Variants in ASCC3 observed in about 807,000 individuals in gnomAD.
ASCC3 encodes ASC-1 complex subunit P200.
In ASCC3, 158 loss-of-function variants were observed where a neutral mutation model predicts 256.3. The observed-to-expected ratio is 0.62, with a 90% CI of 0.54 to 0.70. The LOEUF is 0.70. ASCC3 is among the 30% of genes least tolerant of loss of function. The pLI, the probability that ASCC3 is intolerant of heterozygous loss-of-function variation, is 0.00. For synonymous variants in ASCC3, 948 were observed against 883.4 expected (o/e 1.07, Z -1.30); for missense variants, 2,259 against 2,626.0 (o/e 0.86, Z 3.05).
At chr6:100,524,974 T>C (rs1361024855) in intron 37 of ASCC3, among the ~76,000 whole-genome samples, 1 of 151,300 alleles carries the variant, frequency 6.6e-6, no homozygotes, top group African/African-American at 2.4e-5. Context: ...GGACAATCAC[T>C]TAAACCCAGG....
intron 18 of ASCC3, 64 bp from the exon 19 acceptor site, chr6:100,651,710 G>A (rs1387669570): frequency 2.3e-6 from 2 of 885,830 alleles, no homozygotes; most frequent in Non-Finnish European, 3.2e-6. Flanking sequence ...AATTAAAAAT[G>A]TGACTATAAA....
At chr6:100,620,472 C>T (rs535225939) in intron 30 of ASCC3, among the ~76,000 whole-genome samples, 137 of 152,042 alleles carry the variant, frequency 9.0e-4, no homozygotes, top group Non-Finnish European at 1.7e-3. Flanking sequence ...CTCTTTTTGC[C>T]TTTGCCAATA....
intron 10 of ASCC3, among the ~76,000 whole-genome samples, chr6:100,732,185 A>T (rs552224125): frequency 1.3e-5 from 2 of 151,776 alleles, no homozygotes; most frequent in South Asian, 4.2e-4. Context: ...AAAAAAAAGA[A>T]GAAGAAGATG....
intron 10 of ASCC3, among the ~76,000 whole-genome samples, chr6:100,759,022 C>T (rs773172945): frequency 2.0e-5 from 3 of 152,054 alleles, no homozygotes; most frequent in South Asian, 2.1e-4. Context: ...ATATGTTTGT[C>T]GTCCACATAA....
At chr6:100,582,819 G>T (rs1210448065) in intron 36 of ASCC3, among the ~76,000 whole-genome samples, 1 of 152,134 alleles carries the variant, frequency 6.6e-6, no homozygotes. Context: ...TTTGTCAAAG[G>T]CCTTTCCTCC....
At chr6:100,524,806 C>T (rs184507525) in intron 37 of ASCC3, among the ~76,000 whole-genome samples, 190 of 152,122 alleles carry the variant, frequency 1.2e-3, no homozygotes, top group African/African-American at 4.5e-3. Context: ...ATCCTTCCTC[C>T]TCTTCAAGGA....
intron 1 of ASCC3, among the ~76,000 whole-genome samples, chr6:100,868,519 T>G (rs1245247387): frequency 6.6e-6 from 1 of 152,188 alleles, no homozygotes; most frequent in Non-Finnish European, 1.5e-5. Flanking sequence ...GACCACCCCA[T>G]CTAAAACAGG....
chr6:100,679,719 C>T lies in ASCC3; in HGVS notation c.2185G>A (p.Val729Ile). 3.1e-6 allele frequency: 5 copies of T among 1,613,524 alleles called. No individual in the cohort carries two copies. The Middle Eastern group carries it at 8.3e-4, about 267-fold the overall frequency. ...TCTATTAGAGACATAGCTGTTCTTA[C>T]AGTGGCATTTCGAGCATGTACAAAC... ...MVFVHARNAT[V>I]RTAMSLIERA... Residue 729 changes from valine to isoleucine, a missense_variant, in exon 14 of 42, where the codon GTA becomes ATA. Transcript: ENST00000369162.
chr6:100,856,433 A>C, intron 3 of ASCC3: 4 of 974,646 alleles, frequency 4.1e-6, no homozygotes, highest in Non-Finnish European at 4.9e-6. Context: ...GTTACTTATC[A>C]ATCTGAAATA....
At chr6:100,532,620 C>T (rs1440909949) in intron 37 of ASCC3, among the ~76,000 whole-genome samples, 1 of 151,322 alleles carries the variant, frequency 6.6e-6, no homozygotes, top group African/African-American at 2.4e-5. Context: ...CAGGCACTCT[C>T]TAAGGTCTAG....
chr6:100,790,121 G>A (rs1769284026), intron 8 of ASCC3, among the ~76,000 whole-genome samples: 2 of 152,088 alleles, frequency 1.3e-5, no homozygotes, highest in Middle Eastern at 3.4e-3. Flanking sequence ...TGAAGGGACA[G>A]TTTATATAAG....
In ASCC3 at chr6:100,566,760, C is replaced by T. The variant is rs116413156; in HGVS notation, c.5550+22874G>A. Among the ~76,000 whole-genome samples the T allele has an allele frequency of 7.1e-3, 1,082 of 152,224 alleles. 10 individuals are homozygous for T. The highest frequency in any genetic ancestry group is 0.024 in the African/African-American group (1,007 of 41,544). On this transcript the variant is annotated intron_variant, in intron 36 of 41. Transcript: ENST00000369162. Reference sequence around the variant, plus strand: ...TTTCCATGAGCATATAAACATGCTGCAACAGCTTTAGAAAAAGAAAGAAAA... The same window carrying T: ...TTTCCATGAGCATATAAACATGCTGTAACAGCTTTAGAAAAAGAAAGAAAA...
At position 100,589,762 on chromosome 6, in the gene ASCC3, G is replaced by A. The variant is rs748462453; in HGVS notation, c.5422C>T (p.Arg1808Cys). ...CCATAAGTTAGAGGTTCAATGCTGC[G>A]ATTATCCTATTTCAAAAGAATAACA... ...SYCIEIGEDN[R>C]SIEPLTYGRI... is the part of the protein sequence containing the mutation. The change falls in exon 36 of 42, where the codon CGC (arginine) becomes TGC (cysteine). Residue 1808 changes from arginine (R) to cysteine (C), a missense_variant. Physicochemically the swap from Arg to Cys is radical, Grantham distance 180. This residue lies in a region of ASCC3 where 1,839 missense variants were observed against 2,206.7 expected (regional missense o/e 0.83). Coordinates refer to ENST00000369162, the MANE Select transcript of ASCC3 (RefSeq NM_006828.4). 1.4e-5 allele frequency: 23 copies of A among 1,613,390 alleles called. No homozygotes were observed. Among genetic ancestry groups the A allele is most frequent in the East Asian group, 2.2e-5 (1 of 44,848 alleles).
chr6:100,557,268 C>T lies in ASCC3; in HGVS notation c.5551-16881G>A, dbSNP rs1032144933. On this transcript the variant is annotated intron_variant, in intron 36 of 41. Coordinates refer to ENST00000369162, the MANE Select transcript of ASCC3 (RefSeq NM_006828.4). ...TCACTGATTTGAGATAGTTCTTTAA[C>T]GCAGGCATATACAGCTACGAATTTC... 9.2e-5 allele frequency among the ~76,000 whole-genome samples: 14 copies of T among 152,158 alleles called. No individual in the cohort carries two copies. In the South Asian group the frequency reaches 1.0e-3, roughly 11 times the overall value.
intron 3 of ASCC3, among the ~76,000 whole-genome samples, chr6:100,855,880 G>A (rs1263824116): frequency 1.3e-5 from 2 of 152,160 alleles, no homozygotes; most frequent in African/African-American, 4.8e-5. Flanking sequence ...TTATAGAAGA[G>A]AAAAGAGGTT....
At chr6:100,530,421 G>T (rs776836565) in intron 37 of ASCC3, 49 of 917,906 alleles carry the variant, frequency 5.3e-5, no homozygotes, top group Non-Finnish European at 8.4e-5. Context: ...CCAAAATCCT[G>T]AACTTTATAT....
chr6:100,622,057 G>A (rs183210085), intron 30 of ASCC3, among the ~76,000 whole-genome samples: 3 of 151,990 alleles, frequency 2.0e-5, no homozygotes, highest in Non-Finnish European at 4.4e-5. Flanking sequence ...ATGGACATAC[G>A]GGGGGAACTA....
chr6:100,514,391 C>T (rs925767326), intron 39 of ASCC3, among the ~76,000 whole-genome samples: 2 of 152,258 alleles, frequency 1.3e-5, no homozygotes, highest in Admixed American at 6.5e-5. Context: ...TGTCAGACAG[C>T]ACAAGTAACA....
intron 36 of ASCC3, among the ~76,000 whole-genome samples, chr6:100,548,949 A>T (rs974183858): frequency 3.3e-5 from 5 of 151,990 alleles, no homozygotes; most frequent in Non-Finnish European, 7.4e-5. Context: ...TAGGTAGAGT[A>T]AGAGATGAAC....
Sources: allele counts gnomAD v4.1 joint callset (sites outside exome capture counted in the v4.1 genomes callset), GRCh38; gene constraint gnomAD v4.1.1; regional missense constraint gnomAD v4.1.1; transcripts MANE v1.5; gene names NCBI Gene and HGNC (gene_info 2026-07-23, HGNC 2026-07-21).